Variants in NLRC5 observed in about 807,000 individuals in gnomAD.
NLRC5 encodes NLR family CARD domain containing 5.
NLRC5 carries 114 observed loss-of-function variants against 206.9 expected under a neutral mutation model. That is an observed-to-expected ratio of 0.55 (90% CI 0.47 to 0.64). The LOEUF (loss-of-function observed/expected upper bound fraction) is 0.64. NLRC5 is among the 30% of genes least tolerant of loss of function. The pLI, the probability that NLRC5 is intolerant of heterozygous loss-of-function variation, is 0.00. For synonymous variants in NLRC5, 952 were observed against 962.8 expected (o/e 0.99, Z 0.21); for missense variants, 2,008 against 2,305.5 (o/e 0.87, Z 2.64).
chr16:57,058,953 A>G lies in NLRC5; in HGVS notation c.3831-19A>G. On this transcript the variant is annotated intron_variant, in intron 28 of 48. Coordinates refer to ENST00000688547, the MANE Select transcript of NLRC5 (RefSeq NM_001384950.1). ...AGGTCCTGCCCTCACTCCCATTCTC[A>G]TCTCCATTTCCCTTCTAGTCTGAGT... The G allele has an allele frequency of 1.2e-6, 2 of 1,610,850 alleles. No individual in the cohort carries two copies. The highest frequency in any genetic ancestry group is 1.7e-6 in the Non-Finnish European group (2 of 1,177,050).
chr16:57,073,009 C>T (rs1305830544), intron 38 of NLRC5, among the ~76,000 whole-genome samples: 2 of 152,136 alleles, frequency 1.3e-5, no homozygotes, highest in African/African-American at 2.4e-5. Flanking sequence ...TTTCTTTGCC[C>T]ACTGTCCATG....
intron 1 of NLRC5, among the ~76,000 whole-genome samples, chr16:57,011,412 C>CAAA (rs34846080): frequency 1.7e-5 from 2 of 120,588 alleles, no homozygotes; most frequent in Non-Finnish European, 1.8e-5. Flanking sequence ...GACTCCGTCT[C>CAAA]AAAAAAAAAA....
chr16:57,059,120 T>G, intron 29 of NLRC5, 59 bp downstream of exon 29: 1 of 1,612,170 alleles, frequency 6.2e-7, no homozygotes, highest in Non-Finnish European at 8.5e-7. Flanking sequence ...TGCCCCTGGC[T>G]GATGATGGGA....
At chr16:57,011,241 C>T (rs895659901) in intron 1 of NLRC5, among the ~76,000 whole-genome samples, 3 of 151,688 alleles carry the variant, frequency 2.0e-5, no homozygotes, top group Admixed American at 6.6e-5. Context: ...GGTGAAACCC[C>T]GTCTCTACTA....
intron 7 of NLRC5, 63 bp downstream of exon 7, chr16:57,028,218 C>T: frequency 6.4e-7 from 1 of 1,569,370 alleles, no homozygotes; most frequent in Non-Finnish European, 8.8e-7. Flanking sequence ...TCTCCTCCCT[C>T]TCCTTAATCC....
intron 31 of NLRC5, 21 bp from the exon 32 acceptor site, chr16:57,061,597 G>A: frequency 6.2e-7 from 1 of 1,609,778 alleles, no homozygotes; most frequent in Non-Finnish European, 8.5e-7. Context: ...AGCCACCTCA[G>A]TGACTGACCT....
intron 36 of NLRC5, 40 bp from the exon 37 acceptor site, chr16:57,069,796 G>T (rs768308493): frequency 7.8e-6 from 12 of 1,547,840 alleles, no homozygotes. Context: ...AAGACCCAGG[G>T]CGGCTCCTGC....
Position 57,058,965 on chromosome 16 carries a change from C to T in NLRC5, c.3831-7C>T. 1 of 1,613,702 alleles carries T rather than the reference C, an allele frequency of 6.2e-7. No individual in the cohort carries two copies. The highest frequency in any genetic ancestry group is 1.1e-5 in the South Asian group (1 of 91,068). On this transcript the variant is annotated splice_polypyrimidine_tract_variant and splice_region_variant and intron_variant, in intron 28 of 48. Coordinates refer to ENST00000688547, the MANE Select transcript of NLRC5 (RefSeq NM_001384950.1). ...CACTCCCATTCTCATCTCCATTTCC[C>T]TTCTAGTCTGAGTCACAACAGCATT... is the stretch of plus-strand genomic sequence containing the variant.
At chr16:57,010,204 T>C (rs538348101) in intron 1 of NLRC5, among the ~76,000 whole-genome samples, 1 of 152,228 alleles carries the variant, frequency 6.6e-6, no homozygotes, top group East Asian at 1.9e-4. Flanking sequence ...GTTGGGAGAA[T>C]TAAATAATGC....
intron 1 of NLRC5, among the ~76,000 whole-genome samples, chr16:57,014,321 A>T (rs1319650275): frequency 6.6e-6 from 1 of 151,912 alleles, no homozygotes; most frequent in Non-Finnish European, 1.5e-5. Flanking sequence ...CCTTTGGCCA[A>T]TTTTTTTCCA....
intron 21 of NLRC5, among the ~76,000 whole-genome samples, chr16:57,046,074 C>G (rs990323108): frequency 2.1e-4 from 32 of 152,186 alleles, no homozygotes; most frequent in African/African-American, 7.2e-4. Context: ...GCTAGTGTGT[C>G]AAGAAAAGGC....
chr16:57,002,370 A>G (rs117199686), intron 1 of NLRC5, among the ~76,000 whole-genome samples: 8,445 of 152,052 alleles, frequency 0.056, 400 homozygotes, highest in South Asian at 0.19. Context: ...TTGGTCTCCA[A>G]TGCCTGACCT....
chr16:57,078,479 T>TG (rs1305078411), intron 43 of NLRC5, among the ~76,000 whole-genome samples: 1 of 146,310 alleles, frequency 6.8e-6, no homozygotes, highest in Non-Finnish European at 1.5e-5. Flanking sequence ...TTTTTTTTTT[T>TG]TTTTTTTTTT....
intron 1 of NLRC5, among the ~76,000 whole-genome samples, chr16:56,996,799 G>A (rs1389141994): frequency 7.2e-5 from 11 of 152,150 alleles, no homozygotes. Flanking sequence ...TTTAAAAGAC[G>A]ACCATTTGTT....
At chr16:57,019,213 T>A (rs2060401796) in intron 2 of NLRC5, among the ~76,000 whole-genome samples, 1 of 152,122 alleles carries the variant, frequency 6.6e-6, no homozygotes, top group South Asian at 2.1e-4. Flanking sequence ...CTGGCCAACA[T>A]GGTGAAACCC....
rs746940992 is a variant in NLRC5 at position 57,061,934 on chromosome 16, GAAA to G, written c.4154+234_4154+236del. ...TGTGCTTTGGGATTTAAGAAAAAAA[GAAA>G]GAAAGAAAGAAAGAAGGTTTCAGAG... On this transcript the variant is annotated intron_variant, in intron 32 of 48. Transcript: ENST00000688547. 38 of 673,860 alleles carry G rather than the reference GAAA, an allele frequency of 5.6e-5. No individual in the cohort carries two copies. In the East Asian group the frequency reaches 1.3e-3, roughly 24 times the overall value. 41.7% of individuals were successfully genotyped at this position (673,860 alleles called of 1,614,324 possible). A position where few individuals can be genotyped will look rare whatever the true frequency, so the allele number is the denominator to read the frequency against.
rs1007828201 is a variant in NLRC5, at chr16:57,066,478, C to A, written c.4242-56C>A. ...TGGAGCCGGGCAGCCCAGGTGCCAG[C>A]TAGGCCCTCCGGGGAAGGCTGCCCG... On this transcript the variant is annotated intron_variant, in intron 33 of 48. Coordinates refer to ENST00000688547, the MANE Select transcript of NLRC5 (RefSeq NM_001384950.1). The A allele has an allele frequency of 7.9e-6, 12 of 1,518,330 alleles. No individual in the cohort carries two copies. The Admixed American group carries it at 1.8e-4, about 23-fold the overall frequency. 94.1% of individuals were successfully genotyped at this position (1,518,330 alleles called of 1,614,324 possible).
Position 57,059,492 on chromosome 16 carries a change from A to G in NLRC5, c.3946A>G (p.Ile1316Val), listed in dbSNP as rs2066133002. Reference sequence around the variant, plus strand: ...CCTGGGCTCTGAGCAGAGCTTCCGGATTCACTTCTCCAGAGAGGACCAGGC... The same window carrying G: ...CCTGGGCTCTGAGCAGAGCTTCCGGGTTCACTTCTCCAGAGAGGACCAGGC... Reference protein sequence around the residue: ...VNLGSEQSFRIHFSREDQAGK... With the variant: ...VNLGSEQSFRVHFSREDQAGK... The change falls in exon 30 of 49, where the codon ATT (isoleucine) becomes GTT (valine). Residue 1316 changes from isoleucine to valine, a missense_variant. Coordinates refer to ENST00000688547, the MANE Select transcript of NLRC5 (RefSeq NM_001384950.1). The G allele has an allele frequency of 6.2e-7, 1 of 1,611,808 alleles. No individual in the cohort carries two copies. Among genetic ancestry groups the G allele is most frequent in the Non-Finnish European group, 8.5e-7 (1 of 1,179,064 alleles).
intron 1 of NLRC5, chr16:56,992,276 A>C (rs1257222889): frequency 6.6e-6 from 1 of 152,182 alleles, no homozygotes. Context: ...TTGTGACAGC[A>C]GATACAGCAG....
Sources: gnomAD v4.1 joint callset for allele counts (sites outside exome capture counted in the v4.1 genomes callset) on GRCh38, gnomAD v4.1.1 for gene constraint, MANE v1.5 for transcripts, NCBI Gene and HGNC (gene_info 2026-07-23, HGNC 2026-07-21) for gene names.